Variants in CD96 observed in about 807,000 individuals in gnomAD.
CD96 encodes CD96 molecule.
Under a neutral mutation model 71.3 loss-of-function variants are expected in CD96, and 70 were observed. That is an observed-to-expected ratio of 0.98 (90% CI 0.81 to 1.20). The LOEUF is 1.20. Among genes scored for constraint, CD96 ranks in the 50% most tolerant of loss-of-function variants. The pLI, the probability that CD96 is intolerant of heterozygous loss-of-function variation, is 0.00. For missense variants in CD96, 742 were observed against 677.5 expected (o/e 1.10, Z -1.06); for synonymous variants, 248 against 233.0 (o/e 1.06, Z -0.59).
intron 5 of CD96, among the ~76,000 whole-genome samples, chr3:111,597,325 A>G (rs1937303762): frequency 6.6e-6 from 1 of 152,230 alleles, no homozygotes; most frequent in South Asian, 2.1e-4. Context: ...ATCATCCCCC[A>G]AAGAACAAAC....
chr3:111,626,013 C>T (rs1428916317), intron 10 of CD96, among the ~76,000 whole-genome samples: 3 of 152,060 alleles, frequency 2.0e-5, no homozygotes, highest in East Asian at 1.9e-4. Flanking sequence ...TAAAGAAATG[C>T]TCAATCTCGG....
At chr3:111,657,400 G>A (rs1419715956) in intron 14 of CD96, among the ~76,000 whole-genome samples, 10 of 149,422 alleles carry the variant, frequency 6.7e-5, no homozygotes, top group Non-Finnish European at 1.5e-4. Flanking sequence ...GGGCAACAGA[G>A]TAAGACTCCA....
Position 111,651,883 on chromosome 3 carries a change from CAAA to C in CD96, c.*2091_*2093del, listed in dbSNP as rs200341777. On this transcript the variant is annotated 3_prime_UTR_variant, in exon 14 of 14. Transcript: ENST00000352690. ...TGGGTGAAAGACCGAGACTCCGCCT[CAAA>C]AAAAAAAAAAAAAGAAAGAAAGAAA... is the stretch of plus-strand genomic sequence containing the variant. 7.2e-5 allele frequency: 7 copies of C among 96,600 alleles called. No homozygotes were observed. Among genetic ancestry groups the C allele is most frequent in the Admixed American group, 1.2e-4 (1 of 8,596 alleles). The allele number at this position is 96,600 out of a possible 1,614,324, so 6.0% of individuals were successfully genotyped here. A position where few individuals can be genotyped will look rare whatever the true frequency, so the allele number is the denominator to read the frequency against.
chr3:111,646,116 C>T (rs1402363851), intron 12 of CD96, among the ~76,000 whole-genome samples: 2 of 152,038 alleles, frequency 1.3e-5, no homozygotes, highest in Non-Finnish European at 2.9e-5. Flanking sequence ...TAGCTTTTTG[C>T]CCAAATGATC....
rs768337348 is a variant in CD96 at position 111,638,186 on chromosome 3, T to C, written c.1477+18T>C. On this transcript the variant is annotated intron_variant, in intron 12 of 13. Coordinates refer to ENST00000352690, the MANE Select transcript of CD96 (RefSeq NM_005816.5). ...TATCACTGGTAAGTCATTTATCCTA[T>C]TTTGGGGGATTTTATGCTTTATTCA... The C allele has an allele frequency of 2.3e-5, 33 of 1,405,210 alleles. No individual in the cohort carries two copies. Among genetic ancestry groups the C allele is most frequent in the Non-Finnish European group, 3.0e-6 (3 of 989,478 alleles). 87.0% of individuals were successfully genotyped at this position (1,405,210 alleles called of 1,614,324 possible).
Position 111,545,123 on chromosome 3 carries a change from A to G in CD96, c.139A>G (p.Thr47Ala). Residue 47 changes from threonine (T) to alanine (A), a missense_variant, in exon 2 of 14, where the codon ACA (threonine) becomes GCA (alanine). Coordinates refer to ENST00000352690, the MANE Select transcript of CD96 (RefSeq NM_005816.5). ...CTCTGATGTCAACCTGACCTGCCAA[A>G]CACAGACAGTAGGCTTCTTCGTGCA... ...LGSDVNLTCQ[T>A]QTVGFFVQMQ... 2 of 1,614,228 alleles carry G rather than the reference A, an allele frequency of 1.2e-6. No homozygotes were observed. Among genetic ancestry groups the G allele is most frequent in the Non-Finnish European group, 8.5e-7 (1 of 1,180,032 alleles).
intron 12 of CD96, among the ~76,000 whole-genome samples, chr3:111,640,665 C>T (rs1939548301): frequency 6.6e-6 from 1 of 152,210 alleles, no homozygotes; most frequent in Non-Finnish European, 1.5e-5. Context: ...GCAAAAAGAT[C>T]TTTGCCGAGG....
At chr3:111,661,853 G>A (rs1940366899) in intron 14 of CD96, among the ~76,000 whole-genome samples, 1 of 152,182 alleles carries the variant, frequency 6.6e-6, no homozygotes, top group Admixed American at 6.5e-5. Flanking sequence ...CCATTCTGGG[G>A]CCTGGAGAAC....
chr3:111,637,187 T>G lies in CD96; in HGVS notation c.1322-9T>G, dbSNP rs763912937. ...ATAGGTTAACTCTTCTGATATCTTC[T>G]TCCTTTAGCAGTTTCACGGATACCT... On this transcript the variant is annotated splice_polypyrimidine_tract_variant and intron_variant, in intron 10 of 13. Transcript: ENST00000352690. The G allele has an allele frequency of 6.7e-7, 1 of 1,493,420 alleles. No individual in the cohort carries two copies. The highest frequency in any genetic ancestry group is 1.7e-5 in the Admixed American group (1 of 59,908). 92.5% of individuals were successfully genotyped at this position (1,493,420 alleles called of 1,614,324 possible). A position where few individuals can be genotyped will look rare whatever the true frequency, so the allele number is the denominator to read the frequency against.
At chr3:111,561,859 AGATTCCGT>A (rs1422361017) in intron 2 of CD96, among the ~76,000 whole-genome samples, 1 of 150,796 alleles carries the variant, frequency 6.6e-6, no homozygotes. Context: ...GCAATCAGCG[AGATTCCGT>A]GGGCGTAGGA....
At chr3:111,646,127 C>A (rs1397357744) in intron 12 of CD96, among the ~76,000 whole-genome samples, 2 of 152,014 alleles carry the variant, frequency 1.3e-5, no homozygotes, top group African/African-American at 4.8e-5. Flanking sequence ...CCAAATGATC[C>A]ATGTAATCGA....
At chr3:111,542,435 G>T (rs149407139) in intron 1 of CD96, 126 bp downstream of exon 1, 18 of 288,348 alleles carry the variant, frequency 6.2e-5, no homozygotes, top group African/African-American at 3.0e-4. Flanking sequence ...CATTACTAAG[G>T]GTTTCAGTTA....
intron 12 of CD96, among the ~76,000 whole-genome samples, chr3:111,638,968 GA>G (rs1383081838): frequency 6.6e-6 from 1 of 150,756 alleles, no homozygotes; most frequent in Non-Finnish European, 1.5e-5. Context: ...CACTTGGTTG[GA>G]AAAAAAAATA....
intron 2 of CD96, among the ~76,000 whole-genome samples, chr3:111,555,547 T>G (rs1934955740): frequency 6.6e-6 from 1 of 152,302 alleles, no homozygotes; most frequent in African/African-American, 2.4e-5. Context: ...TTATTTCTGA[T>G]TAAAATGAGC....
intron 8 of CD96, among the ~76,000 whole-genome samples, chr3:111,617,978 C>T (rs1010782885): frequency 1.3e-5 from 2 of 152,354 alleles, no homozygotes; most frequent in Middle Eastern, 3.4e-3. Context: ...TGTCCAGACA[C>T]CAGTGCCTGC....
rs1421901357 is a variant in CD96 at position 111,637,228 on chromosome 3, T to A, written c.1354T>A (p.Ser452Thr). The change falls in exon 11 of 14, where the codon TCA becomes ACA. Residue 452 changes from serine to threonine, a missense_variant. By Grantham distance (58) the Ser-to-Thr change is moderately conservative. Coordinates refer to ENST00000352690, the MANE Select transcript of CD96 (RefSeq NM_005816.5). Reference protein sequence around the residue: ...VSRIPSETYSSSPSGAGSTLH... With the variant: ...VSRIPSETYSTSPSGAGSTLH... The stretch of plus-strand genomic sequence containing the variant: ...ACGGATACCTAGTGAAACATACAGT[T>A]CATCCCCGTCAGGTGCAGGCTCAAC... 1 of 1,593,218 alleles carries A rather than the reference T, an allele frequency of 6.3e-7. No homozygotes were observed. The highest frequency in any genetic ancestry group is 8.6e-7 in the Non-Finnish European group (1 of 1,160,896).
intron 8 of CD96, among the ~76,000 whole-genome samples, chr3:111,608,288 A>G (rs964268953): frequency 6.6e-6 from 1 of 152,244 alleles, no homozygotes; most frequent in African/African-American, 2.4e-5. Context: ...GTCAAAAGCC[A>G]TATTGCCTTT....
intron 14 of CD96, among the ~76,000 whole-genome samples, chr3:111,662,607 A>T (rs958671311): frequency 1.3e-5 from 2 of 152,240 alleles, no homozygotes; most frequent in African/African-American, 2.4e-5. Context: ...ATTCTAAATC[A>T]TCTCTCTTAA....
chr3:111,623,968 C>A (rs778383053), intron 9 of CD96, 146 bp downstream of exon 9: 1 of 706,540 alleles, frequency 1.4e-6, no homozygotes, highest in South Asian at 1.5e-5. Context: ...GGTTACTCTG[C>A]GGTGACTATA....
Sources: allele counts gnomAD v4.1 joint callset (sites outside exome capture counted in the v4.1 genomes callset), GRCh38; gene constraint gnomAD v4.1.1; transcripts MANE v1.5; gene names NCBI Gene and HGNC (gene_info 2026-07-23, HGNC 2026-07-21).